Variants in RBFOX1 observed in about 807,000 individuals in gnomAD.
The protein encoded by RBFOX1 is RNA binding fox-1 homolog 1.
Under a neutral mutation model 57.7 loss-of-function variants are expected in RBFOX1, and 8 were observed. The ratio of observed to expected loss-of-function variants is 0.14; its 90% CI spans 0.08 to 0.25. The LOEUF (loss-of-function observed/expected upper bound fraction) is 0.25, where lower values mean the gene tolerates loss of function less well. Among genes scored for constraint, RBFOX1 ranks in the 10% least tolerant of loss-of-function variants. The pLI, the probability that RBFOX1 is intolerant of heterozygous loss-of-function variation, is 1.00. For synonymous variants in RBFOX1, 326 were observed against 222.4 expected (o/e 1.47, Z -4.15); for missense variants, 611 against 548.5 (o/e 1.11, Z -1.14).
At chr16:7,187,622 G>T (rs1393821300) in intron 4 of RBFOX1, among the ~76,000 whole-genome samples, 12 of 142,828 alleles carry the variant, frequency 8.4e-5, no homozygotes, top group African/African-American at 2.3e-4. Context: ...CCGGGAGGCA[G>T]AGCTTGCAGT....
intron 1 of RBFOX1, among the ~76,000 whole-genome samples, chr16:6,283,501 A>T (rs1025103882): frequency 6.6e-6 from 1 of 152,152 alleles, no homozygotes; most frequent in South Asian, 2.1e-4. Flanking sequence ...TCTTGGTGTT[A>T]TGGCACTGGT....
intron 2 of RBFOX1, among the ~76,000 whole-genome samples, chr16:6,475,109 A>T (rs1040859050): frequency 2.6e-5 from 4 of 152,222 alleles, no homozygotes; most frequent in Admixed American, 1.3e-4. Context: ...AAGTGGATAG[A>T]CTTCCAACAA....
intron 2 of RBFOX1, among the ~76,000 whole-genome samples, chr16:6,391,024 C>G (rs990691463): frequency 2.0e-5 from 3 of 152,106 alleles, no homozygotes; most frequent in Non-Finnish European, 2.9e-5. Flanking sequence ...TGGCCTCTAC[C>G]CACTAGACGA....
intron 1 of RBFOX1, among the ~76,000 whole-genome samples, chr16:6,292,726 T>C (rs1404062232): frequency 6.6e-6 from 1 of 152,226 alleles, no homozygotes; most frequent in African/African-American, 2.4e-5. Context: ...TATCTATTGC[T>C]GGTGACTGCA....
intron 1 of RBFOX1, among the ~76,000 whole-genome samples, chr16:6,096,420 G>A (rs543360182): frequency 2.3e-4 from 35 of 152,262 alleles, no homozygotes; most frequent in African/African-American, 3.4e-4. Flanking sequence ...TTGTGTAGCC[G>A]TGACAGCATT....
chr16:6,159,186 C>A (rs533104253), intron 1 of RBFOX1, among the ~76,000 whole-genome samples: 5 of 152,198 alleles, frequency 3.3e-5, no homozygotes, highest in Non-Finnish European at 5.9e-5. Context: ...AAGCGACTCT[C>A]CTGCCTCGGC....
chr16:6,999,879 C>T (rs1273032690), intron 3 of RBFOX1, among the ~76,000 whole-genome samples: 1 of 151,868 alleles, frequency 6.6e-6, no homozygotes, highest in Admixed American at 6.6e-5. Flanking sequence ...TGAGAGCAGC[C>T]TGAGCAACAT....
chr16:6,298,746 G>C (rs933977326), intron 1 of RBFOX1, among the ~76,000 whole-genome samples: 7 of 152,168 alleles, frequency 4.6e-5, no homozygotes, highest in African/African-American at 1.4e-4. Flanking sequence ...GTTTTCCAAA[G>C]GTTAGCTTTT....
At chr16:7,168,974 C>G (rs972032371) in intron 4 of RBFOX1, among the ~76,000 whole-genome samples, 4 of 152,118 alleles carry the variant, frequency 2.6e-5, no homozygotes, top group African/African-American at 7.2e-5. Context: ...GGGAATAATT[C>G]TGATACTCTA....
chr16:6,809,261 C>T (rs898664724), intron 3 of RBFOX1, among the ~76,000 whole-genome samples: 3 of 152,158 alleles, frequency 2.0e-5, no homozygotes, highest in South Asian at 4.2e-4. Context: ...CCTTCTGAAT[C>T]GTTCATTGCT....
At chr16:6,090,635 A>G (rs1597210941) in intron 1 of RBFOX1, among the ~76,000 whole-genome samples, 1 of 152,226 alleles carries the variant, frequency 6.6e-6, no homozygotes, top group African/African-American at 2.4e-5. Context: ...ACGTTACCAT[A>G]TTGATCTTTA....
chr16:6,491,644 G>C (rs1166707014), intron 2 of RBFOX1, among the ~76,000 whole-genome samples: 1 of 152,110 alleles, frequency 6.6e-6, no homozygotes, highest in Non-Finnish European at 1.5e-5. Flanking sequence ...TCCCAGATGT[G>C]CATTATTGGC....
intron 10 of RBFOX1, among the ~76,000 whole-genome samples, chr16:7,611,028 A>T (rs940241003): frequency 1.3e-5 from 2 of 152,218 alleles, no homozygotes; most frequent in African/African-American, 2.4e-5. Context: ...TCTGCTTAAG[A>T]TAGAAAGCCA....
chr16:5,887,211 A>G lies in RBFOX1; in HGVS notation c.351+19876A>G, dbSNP rs147153123. Among the ~76,000 whole-genome samples, 1,012 of 152,250 alleles carry G rather than the reference A, an allele frequency of 6.6e-3. 9 individuals are homozygous for G. The highest frequency in any genetic ancestry group is 0.01 in the Non-Finnish European group (702 of 68,016). ...ACTTCAGAGATTAGTCCATTCAGGG[A>G]TTCACTGTTTTCAGGAATCCCCCAT... is the stretch of plus-strand genomic sequence containing the variant. On this transcript the variant is annotated intron_variant, in intron 4 of 19. Coordinates refer to the RBFOX1 transcript ENST00000641259.
rs183789220 is a variant in RBFOX1 at position 5,390,184 on chromosome 16, A to G, written c.220-77032A>G. Reference sequence around the variant, plus strand: ...TGCTCTTGACAACTTTTAATTTCACAATATATTTTTATGCACTACATATAG... The same window carrying G: ...TGCTCTTGACAACTTTTAATTTCACGATATATTTTTATGCACTACATATAG... On this transcript the variant is annotated intron_variant, in intron 1 of 2. Coordinates refer to the RBFOX1 transcript ENST00000585867. Among the ~76,000 whole-genome samples, 511 of 152,260 alleles carry G rather than the reference A, an allele frequency of 3.4e-3. 1 individual carries two copies. The highest frequency in any genetic ancestry group is 0.017 in the Middle Eastern group (5 of 292).
intron 4 of RBFOX1, among the ~76,000 whole-genome samples, chr16:7,093,445 C>G (rs59159147): frequency 6.6e-6 from 1 of 152,150 alleles, no homozygotes; most frequent in Non-Finnish European, 1.5e-5. Context: ...ATAGTCACAT[C>G]TTTAATGTTG....
chr16:6,840,612 G>A (rs1026780468), intron 3 of RBFOX1, among the ~76,000 whole-genome samples: 2 of 152,076 alleles, frequency 1.3e-5, no homozygotes, highest in Non-Finnish European at 2.9e-5. Flanking sequence ...CTTGAGTCTG[G>A]TCACAGTGGC....
chr16:7,424,374 C>G (rs2098585321), intron 4 of RBFOX1, among the ~76,000 whole-genome samples: 1 of 152,134 alleles, frequency 6.6e-6, no homozygotes, highest in South Asian at 2.1e-4. Flanking sequence ...ATGCTCCTGC[C>G]TCAGCCTCCC....
chr16:5,375,761 C>G (rs1567411319), intron 1 of RBFOX1, among the ~76,000 whole-genome samples: 1 of 152,350 alleles, frequency 6.6e-6, no homozygotes, highest in East Asian at 1.9e-4. Context: ...GGCCTGCCAG[C>G]TGCAGTGCGT....
Sources: allele counts gnomAD v4.1 joint callset (sites outside exome capture counted in the v4.1 genomes callset), GRCh38; gene constraint gnomAD v4.1.1; transcripts MANE v1.5; gene names NCBI Gene and HGNC (gene_info 2026-07-23, HGNC 2026-07-21).